Variants in GPC5 observed in about 807,000 individuals in gnomAD.
The protein encoded by GPC5 is glypican 5.
GPC5 carries 47 observed loss-of-function variants against 53.9 expected under a neutral mutation model. The ratio of observed to expected loss-of-function variants is 0.87; its 90% CI spans 0.69 to 1.11. The LOEUF (loss-of-function observed/expected upper bound fraction) is 1.11, where lower values mean the gene tolerates loss of function less well. Ranked by LOEUF, GPC5 falls within the 50% of genes most tolerant of loss-of-function variation. The probability of loss-of-function intolerance (pLI) is 0.00; values close to 1 mark genes in which losing one functional copy is unlikely to be tolerated. For synonymous variants in GPC5, 286 were observed against 263.3 expected (o/e 1.09, Z -0.84); for missense variants, 748 against 713.1 (o/e 1.05, Z -0.56).
intron 7 of GPC5, among the ~76,000 whole-genome samples, chr13:92,585,790 TAGTG>T (rs1158693043): frequency 1.3e-5 from 2 of 152,160 alleles, no homozygotes; most frequent in Non-Finnish European, 1.5e-5. Context: ...GTTCTCATGA[TAGTG>T]AGTAAGTCTC....
At chr13:91,716,824 G>A (rs192009040) in intron 3 of GPC5, among the ~76,000 whole-genome samples, 2 of 152,198 alleles carry the variant, frequency 1.3e-5, no homozygotes, top group African/African-American at 4.8e-5. Context: ...TAGGAAAGGA[G>A]CATTTAAATC....
At chr13:91,519,920 C>CA (rs915534565) in intron 2 of GPC5, among the ~76,000 whole-genome samples, 9 of 150,678 alleles carry the variant, frequency 6.0e-5, no homozygotes, top group Admixed American at 2.0e-4. Flanking sequence ...AAGAACTTAT[C>CA]AAAAAAAATC....
chr13:92,194,658 G>C (rs1467137289), intron 7 of GPC5, among the ~76,000 whole-genome samples: 3 of 152,192 alleles, frequency 2.0e-5, no homozygotes, highest in African/African-American at 7.2e-5. Flanking sequence ...GTTTGCTGCA[G>C]CCTGCAGGTA....
intron 1 of GPC5, among the ~76,000 whole-genome samples, chr13:91,424,720 A>G (rs1254486420): frequency 6.6e-6 from 1 of 152,188 alleles, no homozygotes; most frequent in Non-Finnish European, 1.5e-5. Context: ...GCTGGATATC[A>G]TAGCCATGAC....
Position 92,116,564 on chromosome 13 carries a change from G to A in GPC5, c.1402-28266G>A, listed in dbSNP as rs141977414. ...TGTCAAAAGACAAGTTTTCATTTTG[G>A]GAGCAAAAATACCTAGGAATGGGAT... On this transcript the variant is annotated intron_variant, in intron 6 of 7. Transcript: ENST00000377067. 7.9e-5 allele frequency among the ~76,000 whole-genome samples: 12 copies of A among 152,220 alleles called. No individual in the cohort carries two copies. In the East Asian group the frequency reaches 2.3e-3, roughly 29 times the overall value.
intron 7 of GPC5, among the ~76,000 whole-genome samples, chr13:92,728,853 A>C (rs568719444): frequency 6.6e-6 from 1 of 151,552 alleles, no homozygotes; most frequent in African/African-American, 2.4e-5. Flanking sequence ...TCAATTTTAA[A>C]GTTGCAGAAA....
chr13:92,709,329 A>T (rs1888060520), intron 7 of GPC5, among the ~76,000 whole-genome samples: 1 of 151,726 alleles, frequency 6.6e-6, no homozygotes, highest in Non-Finnish European at 1.5e-5. Context: ...AAAGTCCTGG[A>T]AGTACAGGCC....
chr13:91,429,861 G>T (rs116716087), intron 1 of GPC5, among the ~76,000 whole-genome samples: 53 of 152,136 alleles, frequency 3.5e-4, no homozygotes, highest in African/African-American at 1.3e-3. Context: ...GGAAGTATCC[G>T]TAGACCACTT....
chr13:91,878,827 G>A (rs1349779134), intron 5 of GPC5, among the ~76,000 whole-genome samples: 2 of 152,062 alleles, frequency 1.3e-5, no homozygotes, highest in Non-Finnish European at 2.9e-5. Context: ...CCCAGTCTTG[G>A]GCAGTTCTTT....
intron 3 of GPC5, among the ~76,000 whole-genome samples, chr13:91,704,291 T>C (rs1338463424): frequency 6.6e-6 from 1 of 152,352 alleles, no homozygotes; most frequent in African/African-American, 2.4e-5. Flanking sequence ...GTCTATTTCA[T>C]CTAAGTACCA....
At chr13:92,857,020 C>A (rs891350672) in intron 7 of GPC5, among the ~76,000 whole-genome samples, 1 of 152,118 alleles carries the variant, frequency 6.6e-6, no homozygotes, top group East Asian at 1.9e-4. Flanking sequence ...ATAGCCAAAG[C>A]AATCCTAGGC....
chr13:92,628,264 C>CTTTTTTTTTTTTTTTTTTTT (rs71123419), intron 7 of GPC5, among the ~76,000 whole-genome samples: 496 of 45,372 alleles, frequency 0.011, 72 homozygotes, highest in Non-Finnish European at 0.014. Context: ...CTTTTTCTTT[C>CTTTTTTTTTTTTTTTTTTTT]TTTTTTTTTT....
intron 6 of GPC5, among the ~76,000 whole-genome samples, chr13:91,949,084 A>G (rs1279101994): frequency 6.6e-6 from 1 of 152,182 alleles, no homozygotes; most frequent in African/African-American, 2.4e-5. Context: ...CTCATGGCAC[A>G]TATGGAAGCA....
chr13:92,196,464 T>G (rs2139054184), intron 7 of GPC5, among the ~76,000 whole-genome samples: 1 of 152,282 alleles, frequency 6.6e-6, no homozygotes, highest in South Asian at 2.1e-4. Context: ...TTCATTAGCT[T>G]TTTATTGTTC....
intron 7 of GPC5, among the ~76,000 whole-genome samples, chr13:92,792,304 T>C (rs1002457921): frequency 5.3e-5 from 8 of 152,034 alleles, no homozygotes; most frequent in African/African-American, 1.9e-4. Flanking sequence ...TCCAGCCAAA[T>C]CAAGCTTCAT....
chr13:92,305,601 TTC>T (rs1371125207), intron 7 of GPC5, among the ~76,000 whole-genome samples: 1 of 152,170 alleles, frequency 6.6e-6, no homozygotes, highest in African/African-American at 2.4e-5. Flanking sequence ...TGAAAAAAAA[TTC>T]CAAAGCAAAT....
intron 2 of GPC5, among the ~76,000 whole-genome samples, chr13:91,679,896 G>A (rs1320636996): frequency 1.3e-5 from 2 of 150,964 alleles, no homozygotes; most frequent in African/African-American, 4.9e-5. Context: ...CAATTGAGTT[G>A]CAAGCTGAAC....
At chr13:92,581,344 T>C (rs1392489020) in intron 7 of GPC5, among the ~76,000 whole-genome samples, 1 of 152,192 alleles carries the variant, frequency 6.6e-6, no homozygotes, top group Non-Finnish European at 1.5e-5. Flanking sequence ...GCCTAGTTTA[T>C]TTTACGTAAT....
At chr13:91,923,369 C>A (rs996543480) in intron 6 of GPC5, among the ~76,000 whole-genome samples, 2 of 152,156 alleles carry the variant, frequency 1.3e-5, no homozygotes, top group African/African-American at 2.4e-5. Context: ...AGCACTTAAC[C>A]AGATGGCCCC....
Sources: allele counts gnomAD v4.1 joint callset (sites outside exome capture counted in the v4.1 genomes callset), GRCh38; gene constraint gnomAD v4.1.1; transcripts MANE v1.5; gene names NCBI Gene and HGNC (gene_info 2026-07-23, HGNC 2026-07-21).